The following TACC3 variants were observed in gnomAD, a reference collection of about 807,000 sequenced individuals.
TACC3 encodes transforming acidic coiled-coil containing protein 3.
A neutral mutation model predicts 86.0 loss-of-function variants in TACC3; 52 were observed. That is an observed-to-expected ratio of 0.60 (90% CI 0.48 to 0.76). The LOEUF is 0.76. Ranked by LOEUF, TACC3 falls within the 30% of genes least tolerant of loss-of-function variation. TACC3 has a pLI of 0.00. For synonymous variants in TACC3, 512 were observed against 430.0 expected (o/e 1.19, Z -2.36); for missense variants, 1,120 against 1,070.4 (o/e 1.05, Z -0.65).
At chr4:1,741,024 CT>C in intron 13 of TACC3, 38 bp downstream of exon 13, 1 of 1,564,618 alleles carries the variant, frequency 6.4e-7, no homozygotes, top group Non-Finnish European at 8.6e-7. Context: ...ACCTCGGAGG[CT>C]GATGGACTCA....
At position 1,723,427 on chromosome 4, in the gene TACC3, T is replaced by C. The variant is rs1560290334; in HGVS notation, c.6T>C (p.Ser2=). The C allele has an allele frequency of 6.2e-7, 1 of 1,612,942 alleles. No homozygotes were observed. The highest frequency in any genetic ancestry group is 8.5e-7 in the Non-Finnish European group (1 of 1,179,682). Residue 2 remains serine (S), a synonymous_variant, in exon 2 of 16, where the codon AGT becomes AGC. Transcript: ENST00000313288. ...ACATGTTCTGCTTTTCCAGAATGAGTCTGCAGGTCTTAAACGACAAAAATG... is the reference window on the plus strand; with the variant it reads ...ACATGTTCTGCTTTTCCAGAATGAGCCTGCAGGTCTTAAACGACAAAAATG... The part of the protein sequence containing the change: M[S]LQVLNDKNVS...
In TACC3 at chr4:1,735,719, T is replaced by C. The variant is rs1264391408; in HGVS notation, c.1645-12T>C. The C allele has an allele frequency of 6.2e-7, 1 of 1,607,352 alleles. No homozygotes were observed. The highest frequency in any genetic ancestry group is 8.5e-7 in the Non-Finnish European group (1 of 1,174,796). On this transcript the variant is annotated splice_polypyrimidine_tract_variant and intron_variant, in intron 7 of 15. Coordinates refer to ENST00000313288, the MANE Select transcript of TACC3 (RefSeq NM_006342.3). This position sits in a 1 kb window ranked among gnomAD's most constrained non-coding sequence, Gnocchi z 4.2. ...GGCAGTCAGACCTGATCACTTGCCC[T>C]CTTGTCCCCAGTTTAAGGAGTCGGC...
chr4:1,744,540 G>A lies in TACC3; in HGVS notation c.2246G>A (p.Cys749Tyr), dbSNP rs1718748854. Residue 749 changes from cysteine (C) to tyrosine (Y), a missense_variant, in exon 14 of 16, where the codon TGC (cysteine) becomes TAC (tyrosine). Transcript: ENST00000313288. ...YRKNEESLKK[C>Y]VEDYLARITQ... ...TAGAACGAAGAGTCACTGAAGAAGT[G>A]CGTGGAGGATTACCTGGCAAGGATC... 3 of 1,613,032 alleles carry A rather than the reference G, an allele frequency of 1.9e-6. No homozygotes were observed. The highest frequency in any genetic ancestry group is 2.7e-5 in the African/African-American group (2 of 74,924).
At chr4:1,725,998 G>A (rs912373843) in intron 3 of TACC3, among the ~76,000 whole-genome samples, 1 of 152,240 alleles carries the variant, frequency 6.6e-6, no homozygotes, top group Non-Finnish European at 1.5e-5. Flanking sequence ...AGAAGGGCAG[G>A]TGACATGGGC....
At chr4:1,730,684 G>A (rs763350645) in intron 4 of TACC3, 10 of 717,990 alleles carry the variant, frequency 1.4e-5, no homozygotes, top group East Asian at 7.9e-5. Flanking sequence ...GGCAAGGCGC[G>A]TGTTTTCCTG....
In TACC3 at chr4:1,723,844, A is replaced by G; in HGVS notation, c.279A>G (p.Ser93=). ...TQDDTLGLEN[S]HPVWTQKENQ... ...ATGACACCCTTGGACTGGAAAACTC[A>G]CACCCGGTCTGGACACAGAAAGAGA... is the stretch of plus-strand genomic sequence containing the variant. Residue 93 remains serine (S), a synonymous_variant, in exon 3 of 16, where the codon TCA becomes TCG. Coordinates refer to ENST00000313288, the MANE Select transcript of TACC3 (RefSeq NM_006342.3). The G allele has an allele frequency of 6.2e-7, 1 of 1,613,420 alleles. No individual in the cohort carries two copies. The highest frequency in any genetic ancestry group is 8.5e-7 in the Non-Finnish European group (1 of 1,179,940).
At chr4:1,723,110 A>C in intron 1 of TACC3, 20 of 350,124 alleles carry the variant, frequency 5.7e-5, no homozygotes, top group East Asian at 1.3e-4. Flanking sequence ...ATACAGCAGT[A>C]GAGATTATGC....
At position 1,728,165 on chromosome 4, in the gene TACC3, A is replaced by G; in HGVS notation, c.763A>G (p.Ile255Val). The G allele has an allele frequency of 3.1e-6, 5 of 1,611,700 alleles. No homozygotes were observed. Among genetic ancestry groups the G allele is most frequent in the Non-Finnish European group, 4.2e-6 (5 of 1,179,482 alleles). ...AAVATSPPGA[I>V]PKEACGGAPL... is the part of the protein sequence containing the mutation. The stretch of plus-strand genomic sequence containing the variant: ...AGTGGCCACTTCGCCTCCTGGTGCA[A>G]TCCCTAAGGAAGCCTGCGGAGGAGC... Residue 255 changes from isoleucine to valine, a missense_variant, in exon 4 of 16, where the codon ATC (isoleucine) becomes GTC (valine). By Grantham distance (29) the Ile-to-Val change is conservative (BLOSUM62 3). Coordinates refer to ENST00000313288, the MANE Select transcript of TACC3 (RefSeq NM_006342.3).
intron 13 of TACC3, among the ~76,000 whole-genome samples, chr4:1,742,620 A>G (rs1718648073): frequency 6.6e-6 from 1 of 152,016 alleles, no homozygotes; most frequent in Non-Finnish European, 1.5e-5. Context: ...GGGTTACATG[A>G]TGAAACTCCG....
At chr4:1,731,499 T>G (rs1036539545) in intron 6 of TACC3, among the ~76,000 whole-genome samples, 198 bp downstream of exon 6, 14 of 152,334 alleles carry the variant, frequency 9.2e-5, no homozygotes, top group Admixed American at 6.5e-5. Context: ...CTCATACCTT[T>G]AACATAAAAG....
chr4:1,738,126 C>T (rs1185983905), intron 10 of TACC3: 4 of 350,254 alleles, frequency 1.1e-5, no homozygotes, highest in Non-Finnish European at 2.3e-5. Context: ...GCCTTGTCTC[C>T]CTCCATCCTC....
rs1466612414 is a variant in TACC3, at chr4:1,735,428, G to C, written c.1644+103G>C. On this transcript the variant is annotated intron_variant, in intron 7 of 15. Coordinates refer to ENST00000313288, the MANE Select transcript of TACC3 (RefSeq NM_006342.3). This position sits in a 1 kb window ranked among gnomAD's most constrained non-coding sequence, Gnocchi z 4.2. The stretch of plus-strand genomic sequence containing the variant: ...GTCCCTTGGTGCCCACGTCCCCCCA[G>C]CTGCACACAGGCCCAGGCATTGTGG... 9.0e-5 allele frequency: 119 copies of C among 1,321,816 alleles called. 1 individual carries two copies. The Middle Eastern group carries it at 2.5e-3, about 28-fold the overall frequency. 81.9% of individuals were successfully genotyped at this position (1,321,816 alleles called of 1,614,324 possible).
At chr4:1,741,102 G>A in intron 13 of TACC3, 116 bp downstream of exon 13, 1 of 1,008,796 alleles carries the variant, frequency 9.9e-7, no homozygotes, top group Non-Finnish European at 1.5e-6. Flanking sequence ...GCCTCCCCTT[G>A]CCACGGGGGC....
Position 1,728,543 on chromosome 4 carries a change from G to C in TACC3, c.1141G>C (p.Val381Leu). ...GAGGCAGCAAAAGGCCCCGCAGGAG[G>C]TGGAGGAGGACGACGGTAGGAGCGG... Reference protein sequence around the residue: ...AVRQQKAPQEVEEDDGRSGAG... With the variant: ...AVRQQKAPQELEEDDGRSGAG... The change falls in exon 4 of 16, where the codon GTG becomes CTG. Residue 381 changes from valine to leucine, a missense_variant. Val to Leu is a conservative substitution (Grantham distance 32). Transcript: ENST00000313288. 6.2e-7 allele frequency: 1 copy of C among 1,614,024 alleles called. No individual in the cohort carries two copies. Among genetic ancestry groups the C allele is most frequent in the Admixed American group, 1.7e-5 (1 of 60,024 alleles).
At chr4:1,737,034 G>A (rs1001414623) in intron 8 of TACC3, among the ~76,000 whole-genome samples, 5 of 152,238 alleles carry the variant, frequency 3.3e-5, no homozygotes, top group African/African-American at 9.6e-5. Flanking sequence ...AAGCAGCCAC[G>A]TGGGATGGGC....
chr4:1,728,269 GACCCTT>G lies in TACC3; in HGVS notation c.871_876del (p.Leu291_Thr292del), dbSNP rs1717810462. On this transcript the variant is annotated inframe_deletion, in exon 4 of 16. Coordinates refer to ENST00000313288, the MANE Select transcript of TACC3 (RefSeq NM_006342.3). ...CCCCCGTGCCAGCAGATGGCACTCAGACCCTTACCTGTGCACACACCTCTGCTCCTG... is the reference window on the plus strand; with the variant it reads ...CCCCCGTGCCAGCAGATGGCACTCAGACCTGTGCACACACCTCTGCTCCTG... The G allele has an allele frequency of 6.2e-7, 1 of 1,612,690 alleles. No individual in the cohort carries two copies. Among genetic ancestry groups the G allele is most frequent in the African/African-American group, 1.3e-5 (1 of 75,058 alleles).
In TACC3 at chr4:1,737,278, C is replaced by A; in HGVS notation, c.1786C>A (p.Arg596=). The change falls in exon 9 of 16, where the codon CGG becomes AGG. Residue 596 remains arginine, a synonymous_variant. Coordinates refer to ENST00000313288, the MANE Select transcript of TACC3 (RefSeq NM_006342.3). Reference sequence around the variant, plus strand: ...AAATGAGACTCCCTCAGGACGTCCGCGGGAAGCCAAGCTTGTGGAGTTCGA... The same window carrying A: ...AAATGAGACTCCCTCAGGACGTCCGAGGGAAGCCAAGCTTGTGGAGTTCGA... ...GANETPSGRP[R]EAKLVEFDFL... 1.2e-6 allele frequency: 2 copies of A among 1,614,102 alleles called. No homozygotes were observed. Among genetic ancestry groups the A allele is most frequent in the Non-Finnish European group, 8.5e-7 (1 of 1,180,018 alleles).
chr4:1,741,588 T>C (rs1486149470), intron 13 of TACC3: 1 of 152,346 alleles, frequency 6.6e-6, no homozygotes, highest in Non-Finnish European at 1.5e-5. Flanking sequence ...GCAGCAATGT[T>C]GGAGCGGAGG....
At chr4:1,744,669 C>T (rs1262666832) in intron 14 of TACC3, 43 bp from the exon 15 acceptor site, 2 of 1,612,216 alleles carry the variant, frequency 1.2e-6, no homozygotes, top group Non-Finnish European at 1.7e-6. Flanking sequence ...AATCTGAGCA[C>T]CTGGGCCCCA....
Sources: allele counts gnomAD v4.1 joint callset (sites outside exome capture counted in the v4.1 genomes callset), GRCh38; gene constraint gnomAD v4.1.1; non-coding constraint Gnocchi (gnomAD v3.1); transcripts MANE v1.5; gene names NCBI Gene and HGNC (gene_info 2026-07-23, HGNC 2026-07-21).